Variants in GLG1 observed in about 807,000 individuals in gnomAD.
The protein encoded by GLG1 is golgi glycoprotein 1.
A neutral mutation model predicts 160.5 loss-of-function variants in GLG1; 38 were observed. The ratio of observed to expected loss-of-function variants is 0.24; its 90% confidence interval spans 0.18 to 0.31. GLG1 has a LOEUF of 0.31. GLG1 is among the 10% of genes least tolerant of loss of function. The pLI is 1.00. For missense variants in GLG1, 1,373 were observed against 1,505.2 expected (o/e 0.91, Z 1.45); for synonymous variants, 644 against 543.4 (o/e 1.19, Z -2.57).
intron 1 of GLG1, among the ~76,000 whole-genome samples, chr16:74,553,237 T>A (rs59561731): frequency 0.66 from 97,970 of 148,730 alleles, 32,319 homozygotes; most frequent in East Asian, 0.81. Flanking sequence ...AAAAAAAAAA[T>A]TTTTTTTAAA....
At chr16:74,596,005 C>T (rs918507314) in intron 1 of GLG1, among the ~76,000 whole-genome samples, 6 of 151,944 alleles carry the variant, frequency 3.9e-5, no homozygotes, top group African/African-American at 1.5e-4. Context: ...TGCCCATAGT[C>T]GCAGCCACTC....
chr16:74,588,483 A>G (rs1331847516), intron 1 of GLG1, among the ~76,000 whole-genome samples: 1 of 151,846 alleles, frequency 6.6e-6, no homozygotes, highest in Non-Finnish European at 1.5e-5. Flanking sequence ...CAGGTTACCC[A>G]TTCTGTTGCC....
chr16:74,600,438 C>G (rs1297465007), intron 1 of GLG1, among the ~76,000 whole-genome samples: 1 of 151,988 alleles, frequency 6.6e-6, no homozygotes, highest in African/African-American at 2.4e-5. Flanking sequence ...ACAGTCCTTG[C>G]TTAAGAAAAG....
At position 74,571,953 on chromosome 16, in the gene GLG1, C is replaced by T. The variant is rs147152769; in HGVS notation, c.438+34704G>A. Reference sequence around the variant, plus strand: ...CTTGGTCTCTGTGCCTGTTTCCTGACGCACAGATCTAACTAAAAGCCTTGG... The same window carrying T: ...CTTGGTCTCTGTGCCTGTTTCCTGATGCACAGATCTAACTAAAAGCCTTGG... On this transcript the variant is annotated intron_variant, in intron 1 of 25. Coordinates refer to ENST00000422840, the MANE Select transcript of GLG1 (RefSeq NM_001145667.2). 5.9e-3 allele frequency among the ~76,000 whole-genome samples: 900 copies of T among 152,304 alleles called. 10 individuals carry two copies. Among genetic ancestry groups the T allele is most frequent in the African/African-American group, 0.02 (838 of 41,552 alleles).
intron 20 of GLG1, chr16:74,462,877 T>A (rs1362177393): frequency 5.8e-6 from 3 of 516,804 alleles, no homozygotes; most frequent in Non-Finnish European, 1.0e-5. Context: ...CAGACTCCAA[T>A]ACTCTAAGGA....
chr16:74,529,178 AG>A (rs1261905381), intron 2 of GLG1, among the ~76,000 whole-genome samples: 10 of 152,136 alleles, frequency 6.6e-5, no homozygotes, highest in Non-Finnish European at 1.3e-4. Context: ...CGTGTTGAAC[AG>A]GCTGGTCTCG....
chr16:74,477,714 A>G (rs751643169), intron 11 of GLG1, among the ~76,000 whole-genome samples, 181 bp from the exon 12 acceptor site: 3 of 152,086 alleles, frequency 2.0e-5, no homozygotes, highest in Non-Finnish European at 4.4e-5. Flanking sequence ...TGGCTCACGC[A>G]TGTAATCCCA....
intron 25 of GLG1, among the ~76,000 whole-genome samples, chr16:74,453,790 T>C (rs1480895285): frequency 6.6e-6 from 1 of 152,238 alleles, no homozygotes; most frequent in South Asian, 2.1e-4. Flanking sequence ...TTTTGGTTTA[T>C]GCTCTTTAAA....
intron 1 of GLG1, among the ~76,000 whole-genome samples, chr16:74,594,849 G>C (rs961881313): frequency 2.0e-5 from 3 of 152,138 alleles, no homozygotes; most frequent in African/African-American, 7.2e-5. Context: ...TCTGGGTAAA[G>C]GAATTAAGTT....
chr16:74,573,534 A>G (rs1198078642), intron 1 of GLG1, among the ~76,000 whole-genome samples: 1 of 151,048 alleles, frequency 6.6e-6, no homozygotes, highest in African/African-American at 2.4e-5. Flanking sequence ...TTATATATCT[A>G]AAGCTGGCAT....
At chr16:74,495,983 T>G (rs1027698009) in intron 5 of GLG1, among the ~76,000 whole-genome samples, 1 of 152,144 alleles carries the variant, frequency 6.6e-6, no homozygotes, top group Admixed American at 6.6e-5. Flanking sequence ...TTAAAAAATA[T>G]TTAAGTCACA....
Position 74,496,509 on chromosome 16 carries a change from C to T in GLG1, c.910G>A (p.Asp304Asn), listed in dbSNP as rs2016193525. The change falls in exon 5 of 26, where the codon GAT (aspartate) becomes AAT (asparagine). Residue 304 changes from aspartate (D) to asparagine (N), a missense_variant. Asp to Asn is a conservative substitution (Grantham distance 23). Around this residue, in one of 4 missense-constraint regions of GLG1, gnomAD observed 174 missense variants for 229.9 expected, o/e 0.76. Coordinates refer to ENST00000422840, the MANE Select transcript of GLG1 (RefSeq NM_001145667.2). The stretch of plus-strand genomic sequence containing the variant: ...AAATGCCGGTCTAAGTGAAAGTCAT[C>T]CGATGACAGCTCAGCCACCCGGAGA... ...AILRVAELSS[D>N]DFHLDRHLYF... is the part of the protein sequence containing the mutation. 6.2e-7 allele frequency: 1 copy of T among 1,613,942 alleles called. No individual in the cohort carries two copies. Among genetic ancestry groups the T allele is most frequent in the Non-Finnish European group, 8.5e-7 (1 of 1,179,972 alleles).
intron 3 of GLG1, among the ~76,000 whole-genome samples, chr16:74,506,366 C>T (rs2016602533): frequency 6.6e-6 from 1 of 151,346 alleles, no homozygotes; most frequent in Non-Finnish European, 1.5e-5. Flanking sequence ...ATCACGAGGT[C>T]AGGAGACTGA....
rs538379062 is a variant in GLG1 at position 74,505,178 on chromosome 16, G to A, written c.559-1432C>T. On this transcript the variant is annotated intron_variant, in intron 3 of 25. Transcript: ENST00000422840. ...TCTCCTCTTCCAAAAGGTGCTGGAT[G>A]AAGGACACACCACCGAGGAATTATC... 3.3e-5 allele frequency among the ~76,000 whole-genome samples: 5 copies of A among 152,326 alleles called. No individual in the cohort carries two copies. In the South Asian group the frequency reaches 1.0e-3, roughly 32 times the overall value.
At chr16:74,546,488 A>T (rs1448682595) in intron 1 of GLG1, among the ~76,000 whole-genome samples, 6 of 152,258 alleles carry the variant, frequency 3.9e-5, no homozygotes, top group Admixed American at 3.3e-4. Context: ...TTGATTTAAG[A>T]CTTCTGAAAC....
At chr16:74,535,583 C>T (rs3973400) in intron 1 of GLG1, among the ~76,000 whole-genome samples, 1 of 151,864 alleles carries the variant, frequency 6.6e-6, no homozygotes. Flanking sequence ...AAGGTATGTG[C>T]CATGATAGCT....
At position 74,453,121 on chromosome 16, in the gene GLG1, C is replaced by T. The variant is rs950134396; in HGVS notation, c.*46G>A. ...GGGGATGCTATACAAGAGGGCTGTA[C>T]AAACTGGGCACTGGATAGGTAGTTC... is the stretch of plus-strand genomic sequence containing the variant. On this transcript the variant is annotated 3_prime_UTR_variant, in exon 26 of 26. Transcript: ENST00000422840. The T allele has an allele frequency of 1.3e-6, 2 of 1,598,714 alleles. No individual in the cohort carries two copies. Among genetic ancestry groups the T allele is most frequent in the African/African-American group, 2.7e-5 (2 of 74,674 alleles).
At chr16:74,465,936 A>G (rs1302815506) in intron 18 of GLG1, 123 bp from the exon 19 acceptor site, 2 of 849,700 alleles carry the variant, frequency 2.4e-6, no homozygotes, top group African/African-American at 3.4e-5. Flanking sequence ...TTCCCAGGCA[A>G]TCGGAATCAG....
chr16:74,567,554 C>CTTTTTT (rs869140658), intron 1 of GLG1, among the ~76,000 whole-genome samples: 46 of 66,474 alleles, frequency 6.9e-4, no homozygotes, highest in East Asian at 8.9e-4. Context: ...GGTGCACTTT[C>CTTTTTT]TTTTTTTTTT....
Sources: gnomAD v4.1 joint callset for allele counts (sites outside exome capture counted in the v4.1 genomes callset) on GRCh38, gnomAD v4.1.1 for gene constraint, gnomAD v4.1.1 regional missense constraint, MANE v1.5 for transcripts, NCBI Gene and HGNC (gene_info 2026-07-23, HGNC 2026-07-21) for gene names.